The following TRIM67 variants were observed in gnomAD, a reference collection of about 807,000 sequenced individuals.
TRIM67 encodes the protein tripartite motif-containing protein 67.
Under a neutral mutation model 71.0 loss-of-function variants are expected in TRIM67, and 39 were observed. The ratio of observed to expected loss-of-function variants is 0.55; its 90% CI spans 0.43 to 0.72. The LOEUF (loss-of-function observed/expected upper bound fraction) is 0.72. Among genes scored for constraint, TRIM67 ranks in the 30% least tolerant of loss-of-function variants. The pLI is 0.00. For synonymous variants in TRIM67, 481 were observed against 473.9 expected (o/e 1.01, Z -0.19); for missense variants, 973 against 1,079.2 (o/e 0.90, Z 1.38).
intron 1 of TRIM67, among the ~76,000 whole-genome samples, chr1:231,181,332 G>A (rs984669405): frequency 2.6e-5 from 4 of 152,316 alleles, no homozygotes; most frequent in South Asian, 2.1e-4. Context: ...AGTCTACTAT[G>A]CCTCAAATGA....
In TRIM67 at chr1:231,215,980, C is replaced by T; in HGVS notation, c.*540C>T. 3 of 986,022 alleles carry T rather than the reference C, an allele frequency of 3.0e-6. No homozygotes were observed. The highest frequency in any genetic ancestry group is 3.6e-6 in the Non-Finnish European group (3 of 830,376). The allele number at this position is 986,022 out of a possible 1,614,324, so 61.1% of individuals were successfully genotyped here. A position where few individuals can be genotyped will look rare whatever the true frequency, so the allele number is the denominator to read the frequency against. ...TCCTAGAGTCTTTAGTAGCACCTGC[C>T]ACTTGCAGACCCAATGCAGGATTGA... On this transcript the variant is annotated 3_prime_UTR_variant, in exon 10 of 10. Coordinates refer to ENST00000366653, the MANE Select transcript of TRIM67 (RefSeq NM_001004342.5).
intron 1 of TRIM67, among the ~76,000 whole-genome samples, chr1:231,190,173 C>T (rs112079067): frequency 6.6e-6 from 1 of 152,180 alleles, no homozygotes; most frequent in African/African-American, 2.4e-5. Context: ...AGAGAGTTCT[C>T]TTCTTTTGCA....
chr1:231,219,670 C>A lies in TRIM67; in HGVS notation c.*4230C>A. The A allele has an allele frequency of 8.6e-7, 1 of 1,163,560 alleles. No individual in the cohort carries two copies. The highest frequency in any genetic ancestry group is 1.7e-5 in the South Asian group (1 of 57,940). The allele number at this position is 1,163,560 out of a possible 1,614,324, so 72.1% of individuals were successfully genotyped here. A position where few individuals can be genotyped will look rare whatever the true frequency, so the allele number is the denominator to read the frequency against. ...CACATTTTACTGGAAGCAACAGGAACTTCTTAATGGGTTTGTGGCCCTCAA... is the reference window on the plus strand; with the variant it reads ...CACATTTTACTGGAAGCAACAGGAAATTCTTAATGGGTTTGTGGCCCTCAA... On this transcript the variant is annotated 3_prime_UTR_variant, in exon 10 of 10. Transcript: ENST00000366653.
At chr1:231,192,893 GC>G (rs199741751) in intron 1 of TRIM67, among the ~76,000 whole-genome samples, 1,683 of 152,394 alleles carry the variant, frequency 0.011, 14 homozygotes, top group Non-Finnish European at 0.017. Context: ...TTTCAGCCAG[GC>G]ATTAGCCTGC....
At position 231,204,064 on chromosome 1, in the gene TRIM67, A is replaced by C. The variant is rs115364967; in HGVS notation, c.1680+52A>C. 6,947 of 1,604,696 alleles carry C rather than the reference A, an allele frequency of 4.3e-3. 250 individuals are homozygous for C. In the African/African-American group the frequency reaches 0.079, roughly 18 times the overall value. On this transcript the variant is annotated intron_variant, in intron 6 of 9. Coordinates refer to ENST00000366653, the MANE Select transcript of TRIM67 (RefSeq NM_001004342.5). ...GGATTGAGGGTACCAATGCAGAGGC[A>C]GGAGTGGCTCCCACTGCCCCAGACT...
chr1:231,186,020 G>T, intron 1 of TRIM67: 2 of 1,410,320 alleles, frequency 1.4e-6, no homozygotes, highest in Non-Finnish European at 1.9e-6. Context: ...TAGGTGCTTG[G>T]GTTGCAGATT....
chr1:231,195,278 C>T (rs1683337426), intron 1 of TRIM67, among the ~76,000 whole-genome samples: 1 of 152,210 alleles, frequency 6.6e-6, no homozygotes, highest in Non-Finnish European at 1.5e-5. Context: ...ATGGCAGTTG[C>T]AACTTACCCT....
chr1:231,204,161 C>T (rs767541647), intron 6 of TRIM67, 149 bp downstream of exon 6: 2 of 1,238,210 alleles, frequency 1.6e-6, no homozygotes, highest in Non-Finnish European at 2.2e-6. Context: ...AGAAGGCTGG[C>T]GGAGATGGGG....
At chr1:231,169,993 C>CCTTTTTTTTTTTTTTTT (rs1682582039) in intron 1 of TRIM67, among the ~76,000 whole-genome samples, 12 of 136,144 alleles carry the variant, frequency 8.8e-5, no homozygotes, top group African/African-American at 3.9e-4. Flanking sequence ...TTCTTTCTCT[C>CCTTTTTTTTTTTTTTTT]TTTTTTTTTT....
chr1:231,163,095 G>A lies in TRIM67; in HGVS notation c.126G>A (p.Glu42=), dbSNP rs2102706137. 11 of 1,575,170 alleles carry A rather than the reference G, an allele frequency of 7.0e-6. No individual in the cohort carries two copies. Among genetic ancestry groups the A allele is most frequent in the Non-Finnish European group, 8.6e-6 (10 of 1,162,524 alleles). Residue 42 remains glutamate (E), a synonymous_variant, in exon 1 of 10, where the codon GAG becomes GAA. Transcript: ENST00000366653. The stretch of plus-strand genomic sequence containing the variant: ...TCGCGGTGCAGACCCCGGACGGTGA[G>A]CAGCACCTGCCCCAGCCGCTCCTGC... ...RTIAVQTPDG[E]QHLPQPLLLS... is the part of the protein sequence containing the mutation.
chr1:231,193,013 C>T (rs1447448586), intron 1 of TRIM67, among the ~76,000 whole-genome samples: 1 of 152,170 alleles, frequency 6.6e-6, no homozygotes, highest in East Asian at 1.9e-4. Context: ...GGGCTGGGCT[C>T]CTGGAAGGCT....
rs776411370 is a variant in TRIM67, at chr1:231,163,928, C to A, written c.959C>A (p.Thr320Asn). 1.3e-6 allele frequency: 2 copies of A among 1,585,512 alleles called. No homozygotes were observed. Among genetic ancestry groups the A allele is most frequent in the African/African-American group, 1.3e-5 (1 of 74,316 alleles). The change falls in exon 1 of 10, where the codon ACC becomes AAC. Residue 320 changes from threonine (T) to asparagine (N), a missense_variant. Thr to Asn is a moderately conservative substitution (Grantham distance 65, BLOSUM62 0). Around this residue, in one of 2 missense-constraint regions of TRIM67, gnomAD observed 795 missense variants for 831.3 expected, o/e 0.96. Coordinates refer to ENST00000366653, the MANE Select transcript of TRIM67 (RefSeq NM_001004342.5). ...NYSMYCVSCR[T>N]PVCYLCLEEG... ...AGCATGTACTGCGTGAGCTGTCGAACCCCGGTGTGTTATCTGTGCCTGGAG... is the reference window on the plus strand; with the variant it reads ...AGCATGTACTGCGTGAGCTGTCGAAACCCGGTGTGTTATCTGTGCCTGGAG...
At chr1:231,182,079 G>C (rs1170466597) in intron 1 of TRIM67, among the ~76,000 whole-genome samples, 1 of 152,188 alleles carries the variant, frequency 6.6e-6, no homozygotes, top group Non-Finnish European at 1.5e-5. Context: ...TCGTGTGACT[G>C]TTCTAATATA....
intron 4 of TRIM67, among the ~76,000 whole-genome samples, 180 bp from the exon 5 acceptor site, chr1:231,201,178 C>A (rs555917838): frequency 6.6e-6 from 1 of 152,284 alleles, no homozygotes; most frequent in East Asian, 1.9e-4. Flanking sequence ...TATTTCAATG[C>A]ATTTTTAGAC....
chr1:231,167,370 TGGAG>T (rs1187373958), intron 1 of TRIM67, among the ~76,000 whole-genome samples: 7 of 81,526 alleles, frequency 8.6e-5, no homozygotes, highest in Admixed American at 2.7e-4. Flanking sequence ...TCGCCCAGGC[TGGAG>T]TGCAGTGGCG....
chr1:231,187,525 T>A, intron 1 of TRIM67: 1 of 1,531,978 alleles, frequency 6.5e-7, no homozygotes, highest in Non-Finnish European at 8.7e-7. Flanking sequence ...ACCTTAGCAC[T>A]GAGGGGCAGA....
intron 1 of TRIM67, among the ~76,000 whole-genome samples, chr1:231,168,372 C>T (rs1682536195): frequency 6.6e-6 from 1 of 152,216 alleles, no homozygotes; most frequent in Non-Finnish European, 1.5e-5. Flanking sequence ...TGTTTTCTGT[C>T]TTTTGCTGTT....
rs181300344 is a variant in TRIM67 at position 231,187,071 on chromosome 1, C to T, written c.1045-10300C>T. Among the ~76,000 whole-genome samples the T allele has an allele frequency of 2.6e-5, 4 of 152,298 alleles. No individual in the cohort carries two copies. The East Asian group carries it at 7.7e-4, about 29-fold the overall frequency. ...TCAATCTAAGTCTAAAAACAGAAAG[C>T]TGAAAGCTTCCCAGGCAATGGTGTG... On this transcript the variant is annotated intron_variant, in intron 1 of 9. Transcript: ENST00000366653.
chr1:231,204,246 C>A (rs1683634865), intron 6 of TRIM67, among the ~76,000 whole-genome samples: 1 of 152,296 alleles, frequency 6.6e-6, no homozygotes, highest in South Asian at 2.1e-4. Context: ...GAAGGTGTTT[C>A]CTGCACCCAC....
Sources: gnomAD v4.1 joint callset for allele counts (sites outside exome capture counted in the v4.1 genomes callset) on GRCh38, gnomAD v4.1.1 for gene constraint, gnomAD v4.1.1 regional missense constraint, MANE v1.5 for transcripts, NCBI Gene and HGNC (gene_info 2026-07-23, HGNC 2026-07-21) for gene names.